The following XKR6 variants were observed in gnomAD, a reference collection of about 807,000 sequenced individuals.
XKR6 encodes the protein XK related 6.
XKR6 carries 22 observed loss-of-function variants against 56.7 expected under a neutral mutation model. The ratio of observed to expected loss-of-function variants is 0.39; its 90% CI spans 0.28 to 0.55. The LOEUF (loss-of-function observed/expected upper bound fraction) is 0.55. XKR6 is among the 20% of genes least tolerant of loss of function. The pLI is 0.66. For missense variants in XKR6, 852 were observed against 889.0 expected (o/e 0.96, Z 0.53); for synonymous variants, 524 against 387.8 (o/e 1.35, Z -4.13).
intron 1 of XKR6, among the ~76,000 whole-genome samples, chr8:10,975,561 G>A (rs571836541): frequency 6.6e-6 from 1 of 152,326 alleles, no homozygotes; most frequent in East Asian, 1.9e-4. Context: ...CCTCTGCTGG[G>A]GCCCACGCCA....
intron 1 of XKR6, among the ~76,000 whole-genome samples, chr8:11,167,569 G>A (rs1216324936): frequency 1.3e-5 from 2 of 152,158 alleles, no homozygotes; most frequent in Non-Finnish European, 2.9e-5. Flanking sequence ...AAGACGTGAA[G>A]AAAGTTACCT....
chr8:11,146,540 G>A (rs1800994321), intron 1 of XKR6, among the ~76,000 whole-genome samples: 1 of 151,254 alleles, frequency 6.6e-6, no homozygotes. Context: ...GAGTTGGGGG[G>A]ATCACCTGAG....
At chr8:11,121,886 G>T (rs951407728) in intron 1 of XKR6, among the ~76,000 whole-genome samples, 3 of 152,156 alleles carry the variant, frequency 2.0e-5, no homozygotes, top group Non-Finnish European at 2.9e-5. Context: ...TCCTTTGTAG[G>T]GACGTGGATG....
rs368621579 is a variant in XKR6 at position 11,156,634 on chromosome 8, A to G, written c.764+43942T>C. Among the ~76,000 whole-genome samples the G allele has an allele frequency of 7.9e-5, 12 of 152,242 alleles. No homozygotes were observed. In the East Asian group the frequency reaches 1.5e-3, roughly 20 times the overall value. On this transcript the variant is annotated intron_variant, in intron 1 of 2. Coordinates refer to ENST00000416569, the MANE Select transcript of XKR6 (RefSeq NM_173683.4). ...CCCCAAAATTAGCACAGTATCTAAC[A>G]TATAGTAGACACCCATTATCTATTC...
intron 1 of XKR6, chr8:11,138,195 AC>A: frequency 6.3e-6 from 1 of 158,828 alleles, no homozygotes; most frequent in East Asian, 1.9e-4. Context: ...TCCTGCAGGT[AC>A]TTCAACAATG....
intron 1 of XKR6, among the ~76,000 whole-genome samples, chr8:11,007,926 T>A (rs1282083736): frequency 1.3e-5 from 2 of 148,338 alleles, no homozygotes; most frequent in Non-Finnish European, 3.0e-5. Flanking sequence ...AGGGGCAGAG[T>A]GGGGGGAGGG....
At chr8:11,088,794 G>C (rs1298158236) in intron 1 of XKR6, among the ~76,000 whole-genome samples, 1 of 152,158 alleles carries the variant, frequency 6.6e-6, no homozygotes. Flanking sequence ...GAATAGAATG[G>C]TATCTGCCCT....
intron 1 of XKR6, among the ~76,000 whole-genome samples, chr8:11,084,166 C>G (rs889867883): frequency 6.6e-5 from 10 of 152,210 alleles, no homozygotes; most frequent in African/African-American, 2.4e-4. Context: ...GATCGGACTT[C>G]CCACAGTTTG....
At chr8:11,180,559 C>A (rs1241179752) in intron 1 of XKR6, among the ~76,000 whole-genome samples, 1 of 152,180 alleles carries the variant, frequency 6.6e-6, no homozygotes, top group African/African-American at 2.4e-5. Context: ...GCATGTGCAA[C>A]AGCATGGAGA....
chr8:11,091,473 A>C (rs1798070433), intron 1 of XKR6, among the ~76,000 whole-genome samples: 1 of 152,074 alleles, frequency 6.6e-6, no homozygotes, highest in South Asian at 2.1e-4. Context: ...ATAGATAAAA[A>C]GATAAAGAAA....
intron 1 of XKR6, among the ~76,000 whole-genome samples, chr8:11,059,498 TCTG>T (rs1799773473): frequency 1.3e-5 from 2 of 151,896 alleles, no homozygotes; most frequent in Non-Finnish European, 1.5e-5. Context: ...TGCGGAGCCA[TCTG>T]CTGCGCGGGC....
At chr8:11,128,077 G>A (rs1020420245) in intron 1 of XKR6, among the ~76,000 whole-genome samples, 1 of 152,156 alleles carries the variant, frequency 6.6e-6, no homozygotes, top group Non-Finnish European at 1.5e-5. Flanking sequence ...AATCTTTACG[G>A]CTTTACCAAT....
intron 1 of XKR6, among the ~76,000 whole-genome samples, chr8:11,174,173 C>T (rs1234560877): frequency 6.6e-6 from 1 of 152,186 alleles, no homozygotes; most frequent in Non-Finnish European, 1.5e-5. Flanking sequence ...CTACAGCTGC[C>T]GATTATCACC....
intron 2 of XKR6, among the ~76,000 whole-genome samples, chr8:10,919,374 A>T (rs73535424): frequency 0.025 from 3,816 of 152,246 alleles, 167 homozygotes; most frequent in African/African-American, 0.085. Context: ...TCAATACTCT[A>T]ACCATCACGC....
chr8:11,072,993 T>G (rs1244961875), intron 1 of XKR6, among the ~76,000 whole-genome samples: 1 of 151,538 alleles, frequency 6.6e-6, no homozygotes, highest in Admixed American at 6.6e-5. Context: ...GAGGGTGCAG[T>G]GAGCCAAGAT....
At chr8:11,074,127 G>C (rs897247242) in intron 1 of XKR6, among the ~76,000 whole-genome samples, 1 of 152,250 alleles carries the variant, frequency 6.6e-6, no homozygotes, top group Non-Finnish European at 1.5e-5. Context: ...GCAGCTTTGA[G>C]CCTATTCTTA....
chr8:11,090,831 T>C (rs1329099469), intron 1 of XKR6, among the ~76,000 whole-genome samples: 1 of 152,222 alleles, frequency 6.6e-6, no homozygotes, highest in African/African-American at 2.4e-5. Flanking sequence ...ATCTGGGGCT[T>C]ATCTTTTAAG....
In XKR6 at chr8:11,117,645, T is replaced by C. The variant is rs755644976; in HGVS notation, c.764+82931A>G. On this transcript the variant is annotated intron_variant, in intron 1 of 2. Transcript: ENST00000416569. The stretch of plus-strand genomic sequence containing the variant: ...AAAATATGGCTGAAATTTTTAAAAG[T>C]ACATTTTAAGGCACATGAAGAACTT... Among the ~76,000 whole-genome samples, 4 of 152,192 alleles carry C rather than the reference T, an allele frequency of 2.6e-5. No homozygotes were observed. In the South Asian group the frequency reaches 6.2e-4, roughly 24 times the overall value.
At chr8:11,029,928 A>G (rs952067163) in intron 1 of XKR6, among the ~76,000 whole-genome samples, 2 of 152,118 alleles carry the variant, frequency 1.3e-5, no homozygotes, top group South Asian at 2.1e-4. Flanking sequence ...CTAACAGTCT[A>G]TGTGGTGTCC....
Sources: gnomAD v4.1 joint callset for allele counts (sites outside exome capture counted in the v4.1 genomes callset) on GRCh38, gnomAD v4.1.1 for gene constraint, MANE v1.5 for transcripts, NCBI Gene and HGNC (gene_info 2026-07-23, HGNC 2026-07-21) for gene names.